SBF2: variants seen among roughly 807,000 people sequenced by gnomAD.
The protein encoded by SBF2 is myotubularin-related protein 13.
In SBF2, 112 loss-of-function variants were observed where a neutral mutation model predicts 225.2. That is an observed-to-expected ratio of 0.50 (90% CI 0.43 to 0.58). The LOEUF (loss-of-function observed/expected upper bound fraction) is 0.58, where lower values mean the gene tolerates loss of function less well. Among genes scored for constraint, SBF2 ranks in the 20% least tolerant of loss-of-function variants. SBF2 has a pLI of 0.00. For synonymous variants in SBF2, 763 were observed against 773.3 expected (o/e 0.99, Z 0.22); for missense variants, 1,996 against 2,206.2 (o/e 0.90, Z 1.91).
At chr11:9,868,221 G>A (rs113448781) in intron 17 of SBF2, among the ~76,000 whole-genome samples, 90 of 151,720 alleles carry the variant, frequency 5.9e-4, no homozygotes, top group African/African-American at 1.9e-3. Context: ...TTGTTGGGGC[G>A]CAGTGGCTCA....
intron 2 of SBF2, among the ~76,000 whole-genome samples, chr11:10,086,455 T>C (rs1189207270): frequency 6.6e-6 from 1 of 152,208 alleles, no homozygotes; most frequent in Non-Finnish European, 1.5e-5. Flanking sequence ...AGATAATATA[T>C]AAGTGGCTTG....
intron 1 of SBF2, among the ~76,000 whole-genome samples, chr11:10,286,900 G>A (rs1001835189): frequency 6.6e-6 from 1 of 152,096 alleles, no homozygotes; most frequent in Non-Finnish European, 1.5e-5. Context: ...CTTCTCCTAC[G>A]TATTTACCCA....
chr11:10,275,696 A>C (rs1962904235), intron 1 of SBF2, among the ~76,000 whole-genome samples: 1 of 152,132 alleles, frequency 6.6e-6, no homozygotes. Flanking sequence ...AAAACAAAAA[A>C]ACCAATACAC....
intron 9 of SBF2, among the ~76,000 whole-genome samples, chr11:9,995,969 T>C (rs1317350281): frequency 6.6e-6 from 1 of 152,104 alleles, no homozygotes; most frequent in African/African-American, 2.4e-5. Context: ...CGTATGCTCC[T>C]ATTTCTTATT....
intron 1 of SBF2, among the ~76,000 whole-genome samples, chr11:10,282,462 C>G (rs1417920426): frequency 6.6e-6 from 1 of 151,998 alleles, no homozygotes; most frequent in Non-Finnish European, 1.5e-5. Context: ...CATGTCTAAA[C>G]ACCTAAATGA....
intron 3 of SBF2, among the ~76,000 whole-genome samples, chr11:10,034,526 T>C (rs1329533956): frequency 6.6e-6 from 1 of 152,244 alleles, no homozygotes; most frequent in Non-Finnish European, 1.5e-5. Context: ...TTAATTTTAA[T>C]ATCAAAATAA....
chr11:10,227,465 T>G (rs1015304659), intron 1 of SBF2, among the ~76,000 whole-genome samples: 3 of 152,212 alleles, frequency 2.0e-5, no homozygotes, highest in African/African-American at 7.2e-5. Context: ...GTCTAACGTT[T>G]AAGTCTTTAA....
chr11:9,848,232 C>T (rs936400977), intron 22 of SBF2, among the ~76,000 whole-genome samples: 1 of 152,136 alleles, frequency 6.6e-6, no homozygotes, highest in African/African-American at 2.4e-5. Context: ...TTACATCAAG[C>T]TCATATCCAG....
intron 17 of SBF2, among the ~76,000 whole-genome samples, chr11:9,889,198 C>T (rs987217299): frequency 6.6e-6 from 1 of 152,228 alleles, no homozygotes; most frequent in Non-Finnish European, 1.5e-5. Context: ...ATGTCACCAA[C>T]TGATTAGGTC....
rs546522229 is a variant in SBF2, at chr11:10,253,118, CAAAAA to C, written c.55+40892_55+40896del. ...CAACCTCCACACAAGAGGTAAATAC[CAAAAA>C]AAAAAAAAAAAAAAAAAAATCAGCT... On this transcript the variant is annotated intron_variant, in intron 1 of 39. Coordinates refer to ENST00000256190, the MANE Select transcript of SBF2 (RefSeq NM_030962.4). Among the ~76,000 whole-genome samples the C allele has an allele frequency of 1.2e-4, 9 of 77,262 alleles. 2 individuals carry two copies. Among genetic ancestry groups the C allele is most frequent in the African/African-American group, 3.5e-4 (7 of 20,136 alleles). The allele number at this position is 77,262 out of a possible 152,430, so 50.7% of individuals were successfully genotyped here.
chr11:10,267,821 T>C (rs994581495), intron 1 of SBF2, among the ~76,000 whole-genome samples: 1 of 152,182 alleles, frequency 6.6e-6, no homozygotes, highest in Non-Finnish European at 1.5e-5. Flanking sequence ...GGGAGTAATA[T>C]GGTTTTTTAG....
chr11:10,138,125 T>G (rs935833962), intron 2 of SBF2, among the ~76,000 whole-genome samples: 2 of 152,216 alleles, frequency 1.3e-5, no homozygotes, highest in African/African-American at 4.8e-5. Flanking sequence ...GGTTTGGAGA[T>G]TTCTATTTTG....
chr11:9,799,908 T>C (rs1043285734), intron 32 of SBF2, among the ~76,000 whole-genome samples: 1 of 152,216 alleles, frequency 6.6e-6, no homozygotes, highest in Non-Finnish European at 1.5e-5. Context: ...TTGCATATCT[T>C]TGGTGAAATC....
At chr11:10,232,107 C>A (rs1958877185) in intron 1 of SBF2, among the ~76,000 whole-genome samples, 1 of 152,236 alleles carries the variant, frequency 6.6e-6, no homozygotes, top group Admixed American at 6.5e-5. Flanking sequence ...CCCTCCGAGC[C>A]AGGTGCGGGA....
At chr11:9,884,317 G>A (rs935531187) in intron 17 of SBF2, among the ~76,000 whole-genome samples, 3 of 152,146 alleles carry the variant, frequency 2.0e-5, no homozygotes, top group East Asian at 3.9e-4. Flanking sequence ...GAAGAATGAG[G>A]AGCCAATAAT....
intron 16 of SBF2, among the ~76,000 whole-genome samples, chr11:9,930,592 C>T (rs773966974): frequency 1.3e-5 from 2 of 152,174 alleles, no homozygotes; most frequent in Admixed American, 1.3e-4. Context: ...TCAAAGGTGT[C>T]TATACATGTT....
chr11:10,046,152 C>T (rs1746253485), intron 2 of SBF2, among the ~76,000 whole-genome samples: 1 of 152,016 alleles, frequency 6.6e-6, no homozygotes, highest in Non-Finnish European at 1.5e-5. Context: ...TTTGAACATC[C>T]TCGGATTTTG....
Position 9,779,178 on chromosome 11 carries a change from A to T in SBF2, c.*1240T>A. On this transcript the variant is annotated 3_prime_UTR_variant, in exon 40 of 40. Transcript: ENST00000256190. Reference sequence around the variant, plus strand: ...TAAAAGGGAACCATTTCATTATTGAAATCTTATGAATGCATCAGTTAATTT... The same window carrying T: ...TAAAAGGGAACCATTTCATTATTGATATCTTATGAATGCATCAGTTAATTT... The T allele has an allele frequency of 6.6e-6, 1 of 152,630 alleles. No homozygotes were observed. Among genetic ancestry groups the T allele is most frequent in the East Asian group, 1.9e-4 (1 of 5,202 alleles). The allele number at this position is 152,630 out of a possible 1,614,324, so 9.5% of individuals were successfully genotyped here.
intron 2 of SBF2, among the ~76,000 whole-genome samples, chr11:10,076,450 G>T (rs1951115581): frequency 6.6e-6 from 1 of 152,218 alleles, no homozygotes; most frequent in Non-Finnish European, 1.5e-5. Context: ...GGCCAGAACT[G>T]AGAGGTGAGA....
Sources: gnomAD v4.1 joint callset for allele counts (sites outside exome capture counted in the v4.1 genomes callset) on GRCh38, gnomAD v4.1.1 for gene constraint, MANE v1.5 for transcripts, NCBI Gene and HGNC (gene_info 2026-07-23, HGNC 2026-07-21) for gene names.